ZNF337: variants seen among roughly 807,000 people sequenced by gnomAD.
ZNF337 encodes zinc finger protein 337.
Under a neutral mutation model 12.1 loss-of-function variants are expected in ZNF337, and 8 were observed. That is an observed-to-expected ratio of 0.66 (90% CI 0.39 to 1.19). ZNF337 has a LOEUF of 1.19. Ranked by LOEUF, ZNF337 falls within the 50% of genes most tolerant of loss-of-function variation. The pLI is 0.01. For missense variants in ZNF337, 882 were observed against 896.6 expected (o/e 0.98, Z 0.21); for synonymous variants, 336 against 320.0 (o/e 1.05, Z -0.53).
At chr20:25,688,126 G>C (rs2065851538) in intron 1 of ZNF337, among the ~76,000 whole-genome samples, 1 of 152,134 alleles carries the variant, frequency 6.6e-6, no homozygotes, top group Admixed American at 6.5e-5. Context: ...TGTCCCATCT[G>C]TGCTATCTTT....
intron 1 of ZNF337, among the ~76,000 whole-genome samples, chr20:25,696,535 A>T (rs1279892199): frequency 6.6e-6 from 1 of 152,176 alleles, no homozygotes; most frequent in Non-Finnish European, 1.5e-5. Context: ...GGGAACGGAG[A>T]CTGAGTGGCG....
rs779568703 is a variant in ZNF337 at position 25,676,643 on chromosome 20, C to G, written c.645G>C (p.Gln215His). 6.2e-7 allele frequency: 1 copy of G among 1,614,174 alleles called. No homozygotes were observed. The highest frequency in any genetic ancestry group is 1.1e-5 in the South Asian group (1 of 91,082). The change falls in exon 5 of 5, where the codon CAG (glutamine) becomes CAC (histidine). Residue 215 changes from glutamine to histidine, a missense_variant. Coordinates refer to ENST00000252979, the MANE Select transcript of ZNF337 (RefSeq NM_015655.4). ...QKLFTCRECHQGFRDESALLL... is the reference protein window; with the variant it reads ...QKLFTCRECHHGFRDESALLL... The stretch of plus-strand genomic sequence containing the variant: ...GCAATGCTGACTCATCTCTAAAGCC[C>G]TGGTGACACTCCCTGCATGTAAAAA...
chr20:25,674,857 T>C lies in ZNF337; in HGVS notation c.*175A>G. The C allele has an allele frequency of 1.6e-6, 1 of 628,294 alleles. No homozygotes were observed. 38.9% of individuals were successfully genotyped at this position (628,294 alleles called of 1,614,324 possible). A position where few individuals can be genotyped will look rare whatever the true frequency, so the allele number is the denominator to read the frequency against. On this transcript the variant is annotated 3_prime_UTR_variant, in exon 5 of 5. Coordinates refer to ENST00000252979, the MANE Select transcript of ZNF337 (RefSeq NM_015655.4). ...TCTCTGTTCCCTAAACATTGACCTCTTTTCTCTGAATCTCTTGGGGACACA... is the reference window on the plus strand; with the variant it reads ...TCTCTGTTCCCTAAACATTGACCTCCTTTCTCTGAATCTCTTGGGGACACA...
intron 1 of ZNF337, among the ~76,000 whole-genome samples, chr20:25,689,134 CAA>C (rs35337654): frequency 1.2e-4 from 8 of 66,946 alleles, no homozygotes; most frequent in African/African-American, 1.7e-4. Context: ...GACTCCGTCA[CAA>C]AAAAAAAAAA....
intron 1 of ZNF337, among the ~76,000 whole-genome samples, chr20:25,693,535 A>G (rs2065897808): frequency 6.6e-6 from 1 of 152,192 alleles, no homozygotes; most frequent in African/African-American, 2.4e-5. Flanking sequence ...TGACTGAATA[A>G]TTTTTTACAA....
intron 1 of ZNF337, among the ~76,000 whole-genome samples, chr20:25,696,347 C>A (rs1166429486): frequency 6.6e-6 from 1 of 152,162 alleles, no homozygotes; most frequent in Non-Finnish European, 1.5e-5. Flanking sequence ...CACCAGTGGA[C>A]CCTGGCTGTG....
chr20:25,691,473 C>G (rs1181646268), intron 1 of ZNF337, among the ~76,000 whole-genome samples: 1 of 152,160 alleles, frequency 6.6e-6, no homozygotes, highest in Non-Finnish European at 1.5e-5. Flanking sequence ...AGGTCCACAC[C>G]CAAACACACT....
At chr20:25,679,621 A>G (rs1033826199) in intron 4 of ZNF337, among the ~76,000 whole-genome samples, 2 of 152,136 alleles carry the variant, frequency 1.3e-5, no homozygotes, top group African/African-American at 4.8e-5. Context: ...TCCTCTTACC[A>G]CAATTAGGAT....
At position 25,675,310 on chromosome 20, in the gene ZNF337, C is replaced by T; in HGVS notation, c.1978G>A (p.Val660Met). Residue 660 changes from valine to methionine, a missense_variant, in exon 5 of 5, where the codon GTG becomes ATG. Physicochemically the swap from Val to Met is conservative, Grantham distance 21. Transcript: ENST00000252979. Reference protein sequence around the residue: ...HSGEKPFVCNVCGQGFSWKRS... With the variant: ...HSGEKPFVCNMCGQGFSWKRS... ...TTCCAGCTGAAGCCTTGCCCACACA[C>T]ATTACACACGAAGGGCTTCTCCCCT... 2 of 1,613,840 alleles carry T rather than the reference C, an allele frequency of 1.2e-6. No individual in the cohort carries two copies. The highest frequency in any genetic ancestry group is 1.7e-6 in the Non-Finnish European group (2 of 1,179,970).
At chr20:25,680,339 T>C (rs6132855) in intron 4 of ZNF337, among the ~76,000 whole-genome samples, 3,648 of 152,228 alleles carry the variant, frequency 0.024, 183 homozygotes, top group East Asian at 0.24. Flanking sequence ...ATGGTATGCA[T>C]ATATCAAAAT....
chr20:25,675,079 G>C lies in ZNF337; in HGVS notation c.2209C>G (p.Arg737Gly), dbSNP rs780511516. 3.1e-6 allele frequency: 5 copies of C among 1,612,742 alleles called. No homozygotes were observed. The highest frequency in any genetic ancestry group is 2.2e-5 in the East Asian group (1 of 44,766). ...CTCCCTGTACAAAAACGCTTCTCACGTAAGTGTCTCTTTAAGTGCTTACTG... is the reference window on the plus strand; with the variant it reads ...CTCCCTGTACAAAAACGCTTCTCACCTAAGTGTCTCTTTAAGTGCTTACTG... Reference protein sequence around the residue: ...YYSKHLKRHLREKRFCTGSVG... With the variant: ...YYSKHLKRHLGEKRFCTGSVG... Residue 737 changes from arginine to glycine, a missense_variant, in exon 5 of 5, where the codon CGT (arginine) becomes GGT (glycine). Physicochemically the swap from Arg to Gly is moderately radical, Grantham distance 125. Coordinates refer to ENST00000252979, the MANE Select transcript of ZNF337 (RefSeq NM_015655.4).
intron 1 of ZNF337, 124 bp from the exon 2 acceptor site, chr20:25,686,590 G>A: frequency 1.4e-6 from 1 of 708,212 alleles, no homozygotes; most frequent in East Asian, 2.8e-5. Context: ...TCCCCTGTGG[G>A]GATCTGGCCA....
intron 4 of ZNF337, among the ~76,000 whole-genome samples, chr20:25,680,622 CA>C (rs2065757805): frequency 6.6e-6 from 1 of 152,082 alleles, no homozygotes; most frequent in African/African-American, 2.4e-5. Context: ...AAAAATACTC[CA>C]AAACTTGTCA....
At chr20:25,686,332 C>T in intron 2 of ZNF337, 59 bp downstream of exon 2, 19 of 1,521,766 alleles carry the variant, frequency 1.2e-5, no homozygotes, top group Non-Finnish European at 1.7e-5. Flanking sequence ...CTGCTAGGGC[C>T]AGTGAAGGAA....
intron 1 of ZNF337, chr20:25,686,831 C>T (rs928645842): frequency 2.6e-4 from 54 of 205,784 alleles, no homozygotes; most frequent in African/African-American, 9.4e-4. Flanking sequence ...TCTGTCTCCC[C>T]GGGTTTGAAG....
chr20:25,693,206 A>G (rs142588011), intron 1 of ZNF337, among the ~76,000 whole-genome samples: 38 of 152,168 alleles, frequency 2.5e-4, no homozygotes, highest in Admixed American at 3.9e-4. Flanking sequence ...GCTCCAGAGT[A>G]GTTGGGATTA....
rs145758049 is a variant in ZNF337 at position 25,686,746 on chromosome 20, TA to T, written c.-49-281del. The T allele has an allele frequency of 2.6e-3, 967 of 378,540 alleles. 10 individuals carry two copies. Among genetic ancestry groups the T allele is most frequent in the African/African-American group, 0.019 (918 of 49,044 alleles). 23.4% of individuals were successfully genotyped at this position (378,540 alleles called of 1,614,324 possible). On this transcript the variant is annotated intron_variant, in intron 1 of 4. Coordinates refer to ENST00000252979, the MANE Select transcript of ZNF337 (RefSeq NM_015655.4). The stretch of plus-strand genomic sequence containing the variant: ...ACACCTGCAGATGAGGTCTTGCATT[TA>T]AGGTTAGGGCTCAGAGTTCCAGGTG...
chr20:25,694,574 C>G (rs998347276), intron 1 of ZNF337, among the ~76,000 whole-genome samples: 4 of 152,112 alleles, frequency 2.6e-5, no homozygotes, highest in Non-Finnish European at 4.4e-5. Flanking sequence ...CTGCTGGGCC[C>G]AATGGTTGCT....
Position 25,676,317 on chromosome 20 carries a change from T to G in ZNF337, c.971A>C (p.Glu324Ala), listed in dbSNP as rs778542375. The G allele has an allele frequency of 6.9e-5, 111 of 1,610,718 alleles. No individual in the cohort carries two copies. The highest frequency in any genetic ancestry group is 8.8e-5 in the Non-Finnish European group (104 of 1,179,078). Reference sequence around the variant, plus strand: ...CTTATTAGTATAGCCTCGCCCACACTCCTTGCACACAAAAGGCTTCTCCCC... The same window carrying G: ...CTTATTAGTATAGCCTCGCCCACACGCCTTGCACACAAAAGGCTTCTCCCC... ...HSGEKPFVCK[E>A]CGRGYTNKSY... The change falls in exon 5 of 5, where the codon GAG becomes GCG. Residue 324 changes from glutamate to alanine, a missense_variant. Physicochemically the swap from Glu to Ala is moderately radical, Grantham distance 107. Coordinates refer to ENST00000252979, the MANE Select transcript of ZNF337 (RefSeq NM_015655.4).
Sources: allele counts gnomAD v4.1 joint callset (sites outside exome capture counted in the v4.1 genomes callset), GRCh38; gene constraint gnomAD v4.1.1; transcripts MANE v1.5; gene names NCBI Gene and HGNC (gene_info 2026-07-23, HGNC 2026-07-21).